Variants in SEM1 observed in about 807,000 individuals in gnomAD.
SEM1 encodes the protein 26S proteasome complex subunit SEM1.
Under a neutral mutation model 12.7 loss-of-function variants are expected in SEM1, and 3 were observed. The ratio of observed to expected loss-of-function variants is 0.24; its 90% CI spans 0.11 to 0.61. The LOEUF is 0.61. SEM1 is among the 20% of genes least tolerant of loss of function. SEM1 has a pLI of 0.88. For missense variants in SEM1, 59 were observed against 81.3 expected (o/e 0.73, Z 1.06); for synonymous variants, 30 against 27.8 (o/e 1.08, Z -0.25).
At chr7:96,537,443 A>G (rs1804819937) in intron 2 of SEM1, among the ~76,000 whole-genome samples, 1 of 151,674 alleles carries the variant, frequency 6.6e-6, no homozygotes, top group Non-Finnish European at 1.5e-5. Context: ...GGGTATGTCT[A>G]CTGGTGATTA....
chr7:96,599,503 G>GTT (rs1807124514), intron 2 of SEM1, among the ~76,000 whole-genome samples: 1 of 152,140 alleles, frequency 6.6e-6, no homozygotes, highest in Non-Finnish European at 1.5e-5. Context: ...AATATTTGCT[G>GTT]ATGAGACTGG....
chr7:96,633,353 T>A (rs1282685746), intron 2 of SEM1, among the ~76,000 whole-genome samples: 6 of 152,142 alleles, frequency 3.9e-5, no homozygotes, highest in Non-Finnish European at 8.8e-5. Context: ...AACATTTTGG[T>A]AAATGATGGT....
At chr7:96,499,048 A>G (rs1278494144), upstream of SEM1, among the ~76,000 whole-genome samples, 1 of 152,172 alleles carries the variant, frequency 6.6e-6, no homozygotes, top group Non-Finnish European at 1.5e-5. Context: ...AAAAACCAAA[A>G]TGTCTTAATA....
chr7:96,633,311 T>A (rs1357125718), intron 2 of SEM1, among the ~76,000 whole-genome samples: 1 of 152,180 alleles, frequency 6.6e-6, no homozygotes, highest in Non-Finnish European at 1.5e-5. Context: ...GGGTAGCAAC[T>A]GCTTGCCTTG....
At chr7:96,620,138 A>G (rs1807846184), downstream of SEM1, among the ~76,000 whole-genome samples, 1 of 151,996 alleles carries the variant, frequency 6.6e-6, no homozygotes, top group Admixed American at 6.5e-5. Flanking sequence ...TGAGGGCAGG[A>G]CACAACCCAG....
At chr7:96,534,239 T>A (rs1468715396) in intron 2 of SEM1, among the ~76,000 whole-genome samples, 2 of 152,028 alleles carry the variant, frequency 1.3e-5, no homozygotes, top group East Asian at 3.9e-4. Flanking sequence ...CAAAAAAAAG[T>A]TCAGCTTTGA....
At chr7:96,704,329 C>T (rs1271496949) in intron 1 of SEM1, among the ~76,000 whole-genome samples, 1 of 151,996 alleles carries the variant, frequency 6.6e-6, no homozygotes, top group Admixed American at 6.5e-5. Flanking sequence ...TAGAGGGAAA[C>T]TGTGTTTTTA....
intron 2 of SEM1, among the ~76,000 whole-genome samples, chr7:96,507,639 C>T (rs1439741683): frequency 6.6e-6 from 1 of 152,106 alleles, no homozygotes; most frequent in Non-Finnish European, 1.5e-5. Flanking sequence ...AGTCTTCTGG[C>T]ACTTTTAATT....
intron 1 of SEM1, among the ~76,000 whole-genome samples, chr7:96,703,180 T>C (rs1255051443): frequency 6.6e-6 from 1 of 152,220 alleles, no homozygotes; most frequent in African/African-American, 2.4e-5. Context: ...TATTTACAAC[T>C]GGGCATCCCA....
intron 1 of SEM1, chr7:96,706,492 G>A (rs1790465674): frequency 6.6e-6 from 1 of 150,916 alleles, no homozygotes; most frequent in African/African-American, 2.4e-5. Flanking sequence ...AACCCAGGAG[G>A]TGGAGGTTGC....
intron 2 of SEM1, among the ~76,000 whole-genome samples, chr7:96,572,250 T>C (rs1010891584): frequency 2.0e-5 from 3 of 152,170 alleles, no homozygotes; most frequent in Non-Finnish European, 4.4e-5. Flanking sequence ...ATTCATTGAT[T>C]TTTTGAAGGG....
At chr7:96,500,145 C>T (rs542278946), upstream of SEM1, among the ~76,000 whole-genome samples, 1 of 152,212 alleles carries the variant, frequency 6.6e-6, no homozygotes, top group South Asian at 2.1e-4. Context: ...TCCATAGATA[C>T]ATTTTAGTCT....
In SEM1 at chr7:96,511,099, A is replaced by G. The variant is rs1189357847; in HGVS notation, c.171-4401T>C. ...AAGCAAACGTCCTTGGTAGACTCTA[A>G]TCACTGCCTGAGAGTGTTATATGAG... On this transcript the variant is annotated intron_variant and NMD_transcript_variant, in intron 2 of 3. Coordinates refer to the SEM1 transcript ENST00000466986. Among the ~76,000 whole-genome samples the G allele has an allele frequency of 3.3e-5, 5 of 152,060 alleles. No homozygotes were observed. In the East Asian group the frequency reaches 7.7e-4, roughly 24 times the overall value.
chr7:96,531,892 A>G (rs1439455192), intron 2 of SEM1, among the ~76,000 whole-genome samples: 1 of 152,110 alleles, frequency 6.6e-6, no homozygotes, highest in African/African-American at 2.4e-5. Context: ...CAATATTTTT[A>G]TCACTTTCAT....
At chr7:96,533,603 G>A (rs1216611382) in intron 2 of SEM1, among the ~76,000 whole-genome samples, 1 of 152,018 alleles carries the variant, frequency 6.6e-6, no homozygotes, top group Non-Finnish European at 1.5e-5. Context: ...GGCAGGCGCT[G>A]AATTATTTGG....
chr7:96,599,898 A>G (rs1343347862), intron 2 of SEM1, among the ~76,000 whole-genome samples: 1 of 151,916 alleles, frequency 6.6e-6, no homozygotes, highest in Non-Finnish European at 1.5e-5. Context: ...TCATCATAAA[A>G]GGATTTATTT....
chr7:96,567,530 T>C (rs963628489), intron 2 of SEM1, among the ~76,000 whole-genome samples: 3 of 151,570 alleles, frequency 2.0e-5, no homozygotes, highest in African/African-American at 7.2e-5. Context: ...ATTTATAACC[T>C]CTAAAGCAAT....
At chr7:96,484,566 G>A (rs928516459) in intron 3 of SEM1, among the ~76,000 whole-genome samples, 1 of 152,278 alleles carries the variant, frequency 6.6e-6, no homozygotes, top group African/African-American at 2.4e-5. Context: ...TATAAACCTT[G>A]TTGATTCAGA....
At position 96,490,701 on chromosome 7, in the gene SEM1, G is replaced by A. The variant is rs561822492; in HGVS notation, c.13-4284C>T. Among the ~76,000 whole-genome samples, 390 of 152,270 alleles carry A rather than the reference G, an allele frequency of 2.6e-3. 2 individuals carry two copies. The highest frequency in any genetic ancestry group is 9.2e-3 in the African/African-American group (383 of 41,572). ...ACTAACATGCAAGCCACAAGCCCAA[G>A]CCAAACGTGATCACATTGGAAGGTG... is the stretch of plus-strand genomic sequence containing the variant. On this transcript the variant is annotated intron_variant, in intron 1 of 3. Transcript: ENST00000356686.
Sources: gnomAD v4.1 joint callset for allele counts (sites outside exome capture counted in the v4.1 genomes callset) on GRCh38, gnomAD v4.1.1 for gene constraint, MANE v1.5 for transcripts, NCBI Gene and HGNC (gene_info 2026-07-23, HGNC 2026-07-21) for gene names.